CEP57L1: variants seen among roughly 807,000 people sequenced by gnomAD.
CEP57L1 encodes the protein centrosomal protein 57 like 1, also known as centrosomal protein CEP57L1.
CEP57L1 carries 37 observed loss-of-function variants against 61.0 expected under a neutral mutation model. The observed-to-expected ratio is 0.61, with a 90% CI of 0.47 to 0.80. The LOEUF (loss-of-function observed/expected upper bound fraction) is 0.80. CEP57L1 is among the 30% of genes least tolerant of loss of function. The pLI, the probability that CEP57L1 is intolerant of heterozygous loss-of-function variation, is 0.00. For missense variants in CEP57L1, 422 were observed against 524.7 expected, an observed-to-expected ratio of 0.80 and a Z score of 1.91; for synonymous variants, 137 against 162.3, an observed-to-expected ratio of 0.84 and a Z score of 1.19.
chr6:109,122,858 C>T (rs1773135910), intron 1 of CEP57L1, among the ~76,000 whole-genome samples: 2 of 152,088 alleles, frequency 1.3e-5, no homozygotes, highest in African/African-American at 4.8e-5. Context: ...TACTACCATC[C>T]TTCTTCAGAA....
chr6:109,127,609 TTTTG>T (rs750136240), intron 1 of CEP57L1, among the ~76,000 whole-genome samples: 2 of 151,962 alleles, frequency 1.3e-5, no homozygotes, highest in East Asian at 3.9e-4. Context: ...CTTAATCTTT[TTTTG>T]TTTGTTTGTT....
intron 1 of CEP57L1, among the ~76,000 whole-genome samples, chr6:109,107,359 TAGAGG>T (rs1180533609): frequency 7.2e-5 from 11 of 152,052 alleles, no homozygotes; most frequent in African/African-American, 2.7e-4. Flanking sequence ...GTGTGTAGGT[TAGAGG>T]AGAGTTTTCT....
chr6:109,116,124 G>T (rs867813120), intron 1 of CEP57L1, among the ~76,000 whole-genome samples: 4,305 of 120,960 alleles, frequency 0.036, 74 homozygotes, highest in Middle Eastern at 0.07. Flanking sequence ...TATGTTATGT[G>T]TTGTGTTATG....
At chr6:109,137,664 C>G (rs1770897922) in intron 1 of CEP57L1, among the ~76,000 whole-genome samples, 1 of 152,196 alleles carries the variant, frequency 6.6e-6, no homozygotes, top group Non-Finnish European at 1.5e-5. Flanking sequence ...TGAGTTATTG[C>G]TAGTTTGGGA....
intron 1 of CEP57L1, 96 bp from the exon 2 acceptor site, chr6:109,145,123 G>A: frequency 1.4e-6 from 1 of 691,454 alleles, no homozygotes; most frequent in Non-Finnish European, 2.3e-6. Flanking sequence ...CACAGTATAT[G>A]ATTATGTTTT....
Position 109,167,681 on chromosome 6 carries a change from C to CAAAAA in CEP57L1, c.*4718_*4722dup, listed in dbSNP as rs573024481. ...AACAGAGCAAGACTCTGCCTCAAAG[C>CAAAAA]AAAAAAAAAAAGAAAAGAAAAGAAA... On this transcript the variant is annotated 3_prime_UTR_variant, in exon 11 of 11. Coordinates refer to ENST00000517392, the MANE Select transcript of CEP57L1 (RefSeq NM_001271852.3). 5.5e-5 allele frequency among the ~76,000 whole-genome samples: 7 copies of CAAAAA among 127,196 alleles called. No individual in the cohort carries two copies. The highest frequency in any genetic ancestry group is 1.0e-4 in the Non-Finnish European group (6 of 59,096). 83.4% of individuals were successfully genotyped at this position (127,196 alleles called of 152,430 possible).
intron 1 of CEP57L1, among the ~76,000 whole-genome samples, chr6:109,134,971 G>C (rs1246300351): frequency 2.0e-5 from 3 of 152,186 alleles, no homozygotes; most frequent in Non-Finnish European, 2.9e-5. Context: ...TCAATATCGT[G>C]AAAATGGCCA....
In CEP57L1 at chr6:109,139,345, T is replaced by C. The variant is rs114429662; in HGVS notation, c.-3-5874T>C. On this transcript the variant is annotated intron_variant, in intron 1 of 10. Coordinates refer to ENST00000517392, the MANE Select transcript of CEP57L1 (RefSeq NM_001271852.3). ...TTGAGACAGAGTCTGACTCTATTAC[T>C]CAGGCTAGAATGCAGTGGTACAATC... Among the ~76,000 whole-genome samples, 1,231 of 152,292 alleles carry C rather than the reference T, an allele frequency of 8.1e-3. 20 individuals are homozygous for C. Among genetic ancestry groups the C allele is most frequent in the African/African-American group, 0.028 (1,182 of 41,552 alleles).
At chr6:109,098,138 T>C (rs941144604) in intron 1 of CEP57L1, among the ~76,000 whole-genome samples, 2 of 150,454 alleles carry the variant, frequency 1.3e-5, no homozygotes, top group Admixed American at 6.6e-5. Context: ...CTCTCTCTCT[T>C]TCTCTCTCTC....
intron 1 of CEP57L1, among the ~76,000 whole-genome samples, chr6:109,100,672 C>CAAAAAA (rs539993641): frequency 1.4e-5 from 1 of 74,048 alleles, no homozygotes. Flanking sequence ...GAGATTGTCT[C>CAAAAAA]AAAAAAAAAA....
Position 109,115,903 on chromosome 6 carries a change from T to C in CEP57L1, c.-4+20328T>C, listed in dbSNP as rs538089515. On this transcript the variant is annotated intron_variant, in intron 1 of 10. Transcript: ENST00000517392. ...ATACTTTTCAAATGTTAAGTTGATATTTTTAGATTTTGCCTTTTATTGCAG... is the reference window on the plus strand; with the variant it reads ...ATACTTTTCAAATGTTAAGTTGATACTTTTAGATTTTGCCTTTTATTGCAG... Among the ~76,000 whole-genome samples the C allele has an allele frequency of 6.4e-4, 97 of 152,268 alleles. No individual in the cohort carries two copies. In the Middle Eastern group the frequency reaches 0.014, roughly 21 times the overall value.
At chr6:109,156,376 T>A (rs1481158881) in intron 7 of CEP57L1, 1 of 152,130 alleles carries the variant, frequency 6.6e-6, no homozygotes. Context: ...GTCTGTAAAG[T>A]CATTTATATA....
chr6:109,124,426 A>G (rs561137025), intron 1 of CEP57L1, among the ~76,000 whole-genome samples: 198 of 152,298 alleles, frequency 1.3e-3, no homozygotes, highest in African/African-American at 4.5e-3. Flanking sequence ...TAGATAAGCA[A>G]TATAGTGTGG....
At chr6:109,110,996 C>T (rs1771542807) in intron 1 of CEP57L1, among the ~76,000 whole-genome samples, 1 of 152,120 alleles carries the variant, frequency 6.6e-6, no homozygotes, top group Non-Finnish European at 1.5e-5. Flanking sequence ...TTAGGATTGT[C>T]TTGGCTATGC....
rs1774508104 is a variant in CEP57L1 at position 109,173,651 on chromosome 6, C to T, written c.*10681C>T. Among the ~76,000 whole-genome samples, 1 of 150,942 alleles carries T rather than the reference C, an allele frequency of 6.6e-6. No individual in the cohort carries two copies. Among genetic ancestry groups the T allele is most frequent in the African/African-American group, 2.4e-5 (1 of 41,090 alleles). ...ACGCGGTCTCACTTTGCTGCCCAGG[C>T]TGGTCTCAAACTCTGGGCTCAAGCA... On this transcript the variant is annotated 3_prime_UTR_variant, in exon 11 of 11. Coordinates refer to ENST00000517392, the MANE Select transcript of CEP57L1 (RefSeq NM_001271852.3).
chr6:109,138,764 G>T (rs1192517154), intron 1 of CEP57L1, among the ~76,000 whole-genome samples: 1 of 152,050 alleles, frequency 6.6e-6, no homozygotes. Flanking sequence ...TACATATTTT[G>T]CTTACAGAAA....
At position 109,162,590 on chromosome 6, in the gene CEP57L1, C is replaced by A. The variant is rs576088360; in HGVS notation, c.1162-159C>A. Reference sequence around the variant, plus strand: ...TCTACCTGACAAGCACAGTGTTAGGCATGTAATAGATGTTCAATAAATTAA... The same window carrying A: ...TCTACCTGACAAGCACAGTGTTAGGAATGTAATAGATGTTCAATAAATTAA... On this transcript the variant is annotated intron_variant, in intron 10 of 10. Coordinates refer to ENST00000517392, the MANE Select transcript of CEP57L1 (RefSeq NM_001271852.3). Among the ~76,000 whole-genome samples the A allele has an allele frequency of 1.7e-3, 253 of 152,194 alleles. 2 individuals carry two copies. The highest frequency in any genetic ancestry group is 6.8e-3 in the Middle Eastern group (2 of 294).
At chr6:109,151,604 A>AT (rs1239180575) in intron 4 of CEP57L1, among the ~76,000 whole-genome samples, 1 of 152,018 alleles carries the variant, frequency 6.6e-6, no homozygotes, top group Admixed American at 6.6e-5. Flanking sequence ...AAAAATATGT[A>AT]TTTTTTACCA....
intron 4 of CEP57L1, among the ~76,000 whole-genome samples, chr6:109,152,327 C>T (rs1461000157): frequency 6.6e-6 from 1 of 151,926 alleles, no homozygotes; most frequent in East Asian, 1.9e-4. Flanking sequence ...ATTACAGGCG[C>T]CCGCCACCAC....
Sources: gnomAD v4.1 joint callset for allele counts (sites outside exome capture counted in the v4.1 genomes callset) on GRCh38, gnomAD v4.1.1 for gene constraint, MANE v1.5 for transcripts, NCBI Gene and HGNC (gene_info 2026-07-23, HGNC 2026-07-21) for gene names.